ATN1: variants seen among roughly 807,000 people sequenced by gnomAD.
ATN1 encodes atrophin 1, also known as atrophin-1.
In ATN1, 19 loss-of-function variants were observed where a neutral mutation model predicts 85.8. The ratio of observed to expected loss-of-function variants is 0.22; its 90% CI spans 0.15 to 0.32. The LOEUF (loss-of-function observed/expected upper bound fraction) is 0.32. Among genes scored for constraint, ATN1 ranks in the 10% least tolerant of loss-of-function variants. The pLI is 1.00. For synonymous variants in ATN1, 674 were observed against 657.0 expected, an observed-to-expected ratio of 1.03 and a Z score of -0.39; for missense variants, 1,453 against 1,564.5, an observed-to-expected ratio of 0.93 and a Z score of 1.20.
Position 6,937,610 on chromosome 12 carries a change from AAGGCGGCGACG to A in ATN1, c.2294+52_2294+62del. On this transcript the variant is annotated intron_variant, in intron 5 of 9. Coordinates refer to ENST00000396684, the MANE Select transcript of ATN1 (RefSeq NM_001940.4). This position sits in a 1 kb window ranked among gnomAD's most constrained non-coding sequence, Gnocchi z 6.0. Reference sequence around the variant, plus strand: ...GTGGGCCTGGAAAGGGGACGACGACAAGGCGGCGACGAGAGAGGGAGTAGCAGGGAGGGGCC... The same window carrying A: ...GTGGGCCTGGAAAGGGGACGACGACAAGAGAGGGAGTAGCAGGGAGGGGCC... 1 of 1,454,004 alleles carries A rather than the reference AAGGCGGCGACG, an allele frequency of 6.9e-7. No individual in the cohort carries two copies. The highest frequency in any genetic ancestry group is 9.1e-7 in the Non-Finnish European group (1 of 1,104,848). The allele number at this position is 1,454,004 out of a possible 1,614,324, so 90.1% of individuals were successfully genotyped here. A position where few individuals can be genotyped will look rare whatever the true frequency, so the allele number is the denominator to read the frequency against.
chr12:6,936,225 C>G lies in ATN1; in HGVS notation c.958C>G (p.Leu320Val). 1 of 1,602,972 alleles carries G rather than the reference C, an allele frequency of 6.2e-7. No homozygotes were observed. Among genetic ancestry groups the G allele is most frequent in the Non-Finnish European group, 8.5e-7 (1 of 1,173,732 alleles). Residue 320 changes from leucine to valine, a missense_variant, in exon 5 of 10, where the codon CTG (leucine) becomes GTG (valine). This residue lies in a region of ATN1 where 990 missense variants were observed against 914.8 expected (regional missense o/e 1.08). Coordinates refer to ENST00000396684, the MANE Select transcript of ATN1 (RefSeq NM_001940.4). ...CAATGCATCAGCCTCTCCCCCTGGC[C>G]TGGGGGCCCAACCACTACCTGGTCA... is the stretch of plus-strand genomic sequence containing the variant. ...LNNASASPPG[L>V]GAQPLPGHLP... is the part of the protein sequence containing the mutation.
rs1226398459 is a variant in ATN1 at position 6,928,076 on chromosome 12, G to A, written c.-471G>A. ...GGCGGGCCGCGGGGCCGGGCGGCGCGGCGGGGGCGGGCGGCGCGGCCCGGG... is the reference window on the plus strand; with the variant it reads ...GGCGGGCCGCGGGGCCGGGCGGCGCAGCGGGGGCGGGCGGCGCGGCCCGGG... On this transcript the variant is annotated 5_prime_UTR_variant, in exon 1 of 10. Coordinates refer to ENST00000396684, the MANE Select transcript of ATN1 (RefSeq NM_001940.4). 1.4e-5 allele frequency among the ~76,000 whole-genome samples: 2 copies of A among 144,710 alleles called. No individual in the cohort carries two copies. Among genetic ancestry groups the A allele is most frequent in the African/African-American group, 5.0e-5 (2 of 40,356 alleles). 94.9% of individuals were successfully genotyped at this position (144,710 alleles called of 152,430 possible). A position where few individuals can be genotyped will look rare whatever the true frequency, so the allele number is the denominator to read the frequency against.
rs782695427 is a variant in ATN1, at chr12:6,936,722, ACAGCAACAGCAGCAG to A, written c.1461_1475del (p.Gln498_Gln502del). Reference sequence around the variant, plus strand: ...CAACACATCACCATCACCACCAGCAACAGCAACAGCAGCAGCAGCAGCAGCAGCAGCAGCAGCAGC... The same window carrying A: ...CAACACATCACCATCACCACCAGCAACAGCAGCAGCAGCAGCAGCAGCAGC... On this transcript the variant is annotated inframe_deletion, in exon 5 of 10. Coordinates refer to ENST00000396684, the MANE Select transcript of ATN1 (RefSeq NM_001940.4). 129 of 1,525,190 alleles carry A rather than the reference ACAGCAACAGCAGCAG, an allele frequency of 8.5e-5. No individual in the cohort carries two copies. Among genetic ancestry groups the A allele is most frequent in the African/African-American group, 8.1e-4 (43 of 53,402 alleles). The allele number at this position is 1,525,190 out of a possible 1,614,324, so 94.5% of individuals were successfully genotyped here. A position where few individuals can be genotyped will look rare whatever the true frequency, so the allele number is the denominator to read the frequency against.
chr12:6,927,482 T>G (rs1295236062), upstream of ATN1, among the ~76,000 whole-genome samples: 3 of 143,674 alleles, frequency 2.1e-5, no homozygotes, highest in African/African-American at 7.9e-5. Flanking sequence ...GCCCCCAAAC[T>G]TCAGCCTCCC....
chr12:6,934,258 G>T lies in ATN1; in HGVS notation c.110G>T (p.Gly37Val). 6.3e-7 allele frequency: 1 copy of T among 1,581,232 alleles called. No homozygotes were observed. Among genetic ancestry groups the T allele is most frequent in the Non-Finnish European group, 8.5e-7 (1 of 1,171,222 alleles). ...LRSRGRASPG[G>V]VSTSSSDGKA... The stretch of plus-strand genomic sequence containing the variant: ...TCGAGGGGCCGGGCCTCCCCTGGAG[G>T]GGTCAGCACGTCCAGCAGTGATGGC... Residue 37 changes from glycine to valine, a missense_variant, in exon 3 of 10, where the codon GGG (glycine) becomes GTG (valine). Around this residue, in one of 6 missense-constraint regions of ATN1, gnomAD observed 130 missense variants for 158.2 expected, o/e 0.82. Coordinates refer to ENST00000396684, the MANE Select transcript of ATN1 (RefSeq NM_001940.4). The surrounding 1 kb of genome is among the most constrained non-coding windows in gnomAD (Gnocchi z 4.5).
At position 6,934,485 on chromosome 12, in the gene ATN1, C is replaced by T. The variant is rs143370762; in HGVS notation, c.186C>T (p.Ala62=). 2.5e-6 allele frequency: 4 copies of T among 1,592,464 alleles called. No individual in the cohort carries two copies. In the African/African-American group the frequency reaches 5.4e-5, roughly 21 times the overall value. ...AACAGAAGGCCCGAGTAGAGGAAGC[C>T]TCCACCCCAAAGGTCAACAAGCAGG... ...QTAKKARVEE[A]STPKVNKQGR... The change falls in exon 4 of 10, where the codon GCC becomes GCT. Residue 62 remains alanine (A), a synonymous_variant. Coordinates refer to ENST00000396684, the MANE Select transcript of ATN1 (RefSeq NM_001940.4). The surrounding 1 kb of genome is among the most constrained non-coding windows in gnomAD (Gnocchi z 4.5).
rs781985394 is a variant in ATN1 at position 6,942,083 on chromosome 12, G to A, written c.*303G>A. 3.4e-4 allele frequency: 160 copies of A among 471,898 alleles called. No individual in the cohort carries two copies. The highest frequency in any genetic ancestry group is 4.7e-4 in the Non-Finnish European group (124 of 264,256). The allele number at this position is 471,898 out of a possible 1,614,324, so 29.2% of individuals were successfully genotyped here. Reference sequence around the variant, plus strand: ...CCCATGCCCAACCCCTGTGGCCGCCGCCCCTCCCCTGCCCCGTTGGTGTGA... The same window carrying A: ...CCCATGCCCAACCCCTGTGGCCGCCACCCCTCCCCTGCCCCGTTGGTGTGA... On this transcript the variant is annotated 3_prime_UTR_variant, in exon 10 of 10. Transcript: ENST00000396684.
At chr12:6,927,071 CCTCT>C (rs1945405949), upstream of ATN1, among the ~76,000 whole-genome samples, 2 of 151,860 alleles carry the variant, frequency 1.3e-5, no homozygotes, top group Non-Finnish European at 2.9e-5. Context: ...CGCGTTCCCT[CCTCT>C]CTCTCCTCAC....
In ATN1 at chr12:6,935,720, G is replaced by T; in HGVS notation, c.453G>T (p.Leu151=). The change falls in exon 5 of 10, where the codon CTG becomes CTT. Residue 151 remains leucine, a synonymous_variant. Coordinates refer to ENST00000396684, the MANE Select transcript of ATN1 (RefSeq NM_001940.4). The surrounding 1 kb of genome is among the most constrained non-coding windows in gnomAD (Gnocchi z 5.3). ...ATGACTCTGACTCATCTTCTGGCCT[G>T]TCCCAGGGCCCAGCCCGCCCCTACC... ...VENDSDSSSG[L]SQGPARPYHP... 4.3e-6 allele frequency: 7 copies of T among 1,613,900 alleles called. No individual in the cohort carries two copies. The highest frequency in any genetic ancestry group is 5.1e-6 in the Non-Finnish European group (6 of 1,179,910).
chr12:6,942,024 T>A lies in ATN1; in HGVS notation c.*244T>A. ...AAAGCGCACAGAATCTTGGACCAGG[T>A]CTCTCTTCCTTGTCCCCCCTGCTTT... On this transcript the variant is annotated 3_prime_UTR_variant, in exon 10 of 10. Transcript: ENST00000396684. 1.8e-6 allele frequency: 1 copy of A among 561,512 alleles called. No homozygotes were observed. Among genetic ancestry groups the A allele is most frequent in the East Asian group, 2.9e-5 (1 of 34,248 alleles). 34.8% of individuals were successfully genotyped at this position (561,512 alleles called of 1,614,324 possible).
In ATN1 at chr12:6,942,042, CCT is replaced by C; in HGVS notation, c.*263_*264del. On this transcript the variant is annotated 3_prime_UTR_variant, in exon 10 of 10. Transcript: ENST00000396684. ...GACCAGGTCTCTCTTCCTTGTCCCC[CCT>C]GCTTTTCTCCTCCCCCATGCCCAAC... 2 of 541,576 alleles carry C rather than the reference CCT, an allele frequency of 3.7e-6. No homozygotes were observed. Among genetic ancestry groups the C allele is most frequent in the South Asian group, 4.6e-5 (2 of 43,676 alleles). 33.5% of individuals were successfully genotyped at this position (541,576 alleles called of 1,614,324 possible). A position where few individuals can be genotyped will look rare whatever the true frequency, so the allele number is the denominator to read the frequency against.
chr12:6,934,420 C>T lies in ATN1; in HGVS notation c.166-45C>T, dbSNP rs782173357. On this transcript the variant is annotated intron_variant, in intron 3 of 9. Coordinates refer to ENST00000396684, the MANE Select transcript of ATN1 (RefSeq NM_001940.4). The surrounding 1 kb of genome is among the most constrained non-coding windows in gnomAD (Gnocchi z 4.5). ...TTTGGCAGAGGGTAACGGTGGAGCT[C>T]GGGAGGTAGGGAAAAGACAGGAATT... is the stretch of plus-strand genomic sequence containing the variant. 4.4e-6 allele frequency: 7 copies of T among 1,605,738 alleles called. No individual in the cohort carries two copies. The highest frequency in any genetic ancestry group is 2.2e-5 in the East Asian group (1 of 44,626).
chr12:6,930,045 G>C (rs1025480693), intron 1 of ATN1, among the ~76,000 whole-genome samples: 1 of 152,238 alleles, frequency 6.6e-6, no homozygotes, highest in Admixed American at 6.5e-5. Flanking sequence ...ACAGCTTCAT[G>C]CAGGGGAAAT....
intron 1 of ATN1, among the ~76,000 whole-genome samples, chr12:6,929,968 C>G (rs1945440356): frequency 2.0e-5 from 3 of 152,198 alleles, no homozygotes; most frequent in Admixed American, 2.0e-4. Flanking sequence ...CTTCCCTGAC[C>G]TTGTAGAAAT....
At chr12:6,930,800 CAATAAATAAATA>C (rs138589375) in intron 1 of ATN1, among the ~76,000 whole-genome samples, 5 of 149,458 alleles carry the variant, frequency 3.3e-5, no homozygotes, top group African/African-American at 7.5e-5. Flanking sequence ...GACTCCGTCT[CAATAAATAAATA>C]AATAAATAAA....
In ATN1 at chr12:6,939,083, C is replaced by A; in HGVS notation, c.3120C>A (p.Ala1040=). The change falls in exon 7 of 10, where the codon GCC becomes GCA. Residue 1040 remains alanine, a synonymous_variant. Coordinates refer to ENST00000396684, the MANE Select transcript of ATN1 (RefSeq NM_001940.4). ...CGGCCCTGGGCAATGACCCACTGGC[C>A]CGGCTGCAGATGCTCAATGTGACTC... ...RVAALGNDPL[A]RLQMLNVTPH... 3.1e-6 allele frequency: 5 copies of A among 1,603,138 alleles called. No homozygotes were observed. The highest frequency in any genetic ancestry group is 4.2e-6 in the Non-Finnish European group (5 of 1,179,962).
At chr12:6,939,577 C>T (rs1945606571) in intron 7 of ATN1, among the ~76,000 whole-genome samples, 1 of 152,222 alleles carries the variant, frequency 6.6e-6, no homozygotes, top group South Asian at 2.1e-4. Flanking sequence ...TCACAGCTCA[C>T]TGCAGCCTCG....
chr12:6,941,884 C>T lies in ATN1; in HGVS notation c.*104C>T. ...CCTGCCACCCAGAGCCAAGAGGGTGCTGCTCAGTTGCAGGGCCTCCGCAGC... is the reference window on the plus strand; with the variant it reads ...CCTGCCACCCAGAGCCAAGAGGGTGTTGCTCAGTTGCAGGGCCTCCGCAGC... On this transcript the variant is annotated 3_prime_UTR_variant, in exon 10 of 10. Transcript: ENST00000396684. The surrounding 1 kb of genome is among the most constrained non-coding windows in gnomAD (Gnocchi z 5.9). 1 of 1,216,740 alleles carries T rather than the reference C, an allele frequency of 8.2e-7. No individual in the cohort carries two copies. Among genetic ancestry groups the T allele is most frequent in the East Asian group, 2.3e-5 (1 of 43,068 alleles). The allele number at this position is 1,216,740 out of a possible 1,614,324, so 75.4% of individuals were successfully genotyped here.
At chr12:6,925,506 AGGGAGTC>A (rs1945391282), upstream of ATN1, among the ~76,000 whole-genome samples, 2 of 151,964 alleles carry the variant, frequency 1.3e-5, no homozygotes, top group Non-Finnish European at 2.9e-5. Flanking sequence ...AGCAAGAGGA[AGGGAGTC>A]GGGGTGCACA....
Sources: allele counts gnomAD v4.1 joint callset (sites outside exome capture counted in the v4.1 genomes callset), GRCh38; gene constraint gnomAD v4.1.1; regional missense constraint gnomAD v4.1.1; non-coding constraint Gnocchi (gnomAD v3.1); transcripts MANE v1.5; gene names NCBI Gene and HGNC (gene_info 2026-07-23, HGNC 2026-07-21).